The following DMXL2 variants were observed in gnomAD, a reference collection of about 807,000 sequenced individuals.
DMXL2 encodes Dmx like 2, also known as dmX-like protein 2.
In DMXL2, 103 loss-of-function variants were observed where a neutral mutation model predicts 331.1. That is an observed-to-expected ratio of 0.31 (90% CI 0.27 to 0.37). The LOEUF is 0.37. DMXL2 is among the 10% of genes least tolerant of loss of function. The pLI, the probability that DMXL2 is intolerant of heterozygous loss-of-function variation, is 1.00. For synonymous variants in DMXL2, 1,281 were observed against 1,252.1 expected, an observed-to-expected ratio of 1.02 and a Z score of -0.49; for missense variants, 3,171 against 3,642.9, an observed-to-expected ratio of 0.87 and a Z score of 3.33.
intron 1 of DMXL2, among the ~76,000 whole-genome samples, chr15:51,609,911 CAA>C (rs2053843004): frequency 6.9e-6 from 1 of 144,614 alleles, no homozygotes; most frequent in South Asian, 2.2e-4. Flanking sequence ...GCCTGGGCAA[CAA>C]GAGTGAAAGT....
intron 1 of DMXL2, among the ~76,000 whole-genome samples, chr15:51,586,394 T>A (rs916055898): frequency 6.6e-6 from 1 of 151,942 alleles, no homozygotes; most frequent in East Asian, 1.9e-4. Context: ...CAAAAATCTA[T>A]GGGAAGAAAA....
intron 13 of DMXL2, among the ~76,000 whole-genome samples, chr15:51,533,177 T>C (rs938142234): frequency 2.0e-5 from 3 of 152,124 alleles, no homozygotes; most frequent in Non-Finnish European, 2.9e-5. Context: ...GGGGACACTA[T>C]TGAAAGTTGT....
intron 28 of DMXL2, among the ~76,000 whole-genome samples, 160 bp downstream of exon 28, chr15:51,474,180 ATGTT>A (rs2041370084): frequency 6.6e-6 from 1 of 152,318 alleles, no homozygotes; most frequent in African/African-American, 2.4e-5. Context: ...AACAAACTAT[ATGTT>A]TATTATATCA....
intron 32 of DMXL2, among the ~76,000 whole-genome samples, chr15:51,463,882 TGTTCTTTC>T (rs1225426007): frequency 7.2e-5 from 11 of 152,148 alleles, no homozygotes; most frequent in African/African-American, 2.4e-4. Context: ...TAAAAAGCTT[TGTTCTTTC>T]AAGCTTATTT....
chr15:51,463,571 T>G, intron 32 of DMXL2, 75 bp from the exon 33 acceptor site: 1 of 888,056 alleles, frequency 1.1e-6, no homozygotes, highest in Non-Finnish European at 1.7e-6. Flanking sequence ...TATTTATTTT[T>G]AAAACCTTCA....
At chr15:51,594,648 T>C (rs10438319) in intron 1 of DMXL2, among the ~76,000 whole-genome samples, 72,672 of 151,658 alleles carry the variant, frequency 0.48, 17,763 homozygotes, top group Non-Finnish European at 0.52. Flanking sequence ...TGATGAACAT[T>C]GATGCAAAAA....
chr15:51,582,866 C>T (rs966918007), intron 1 of DMXL2, among the ~76,000 whole-genome samples: 1 of 151,722 alleles, frequency 6.6e-6, no homozygotes, highest in Non-Finnish European at 1.5e-5. Context: ...AATGAAGTCA[C>T]CTTCTCATCC....
intron 33 of DMXL2, among the ~76,000 whole-genome samples, chr15:51,462,596 C>G (rs1224863402): frequency 6.6e-6 from 1 of 152,154 alleles, no homozygotes; most frequent in African/African-American, 2.4e-5. Flanking sequence ...CTCGGCCTCC[C>G]AAAGTGCTGG....
At chr15:51,478,749 G>C (rs1004846383) in intron 25 of DMXL2, among the ~76,000 whole-genome samples, 1 of 151,754 alleles carries the variant, frequency 6.6e-6, no homozygotes, top group Non-Finnish European at 1.5e-5. Context: ...AATTCGCCTT[G>C]ATGAAAATAA....
At chr15:51,519,806 C>G (rs1050056615) in intron 13 of DMXL2, among the ~76,000 whole-genome samples, 2 of 151,908 alleles carry the variant, frequency 1.3e-5, no homozygotes, top group African/African-American at 4.8e-5. Context: ...CCACACCTGG[C>G]TAATTTTTGT....
chr15:51,449,268 T>C, intron 43 of DMXL2, 75 bp from the exon 44 acceptor site: 1 of 1,459,980 alleles, frequency 6.8e-7, no homozygotes, highest in Non-Finnish European at 9.4e-7. Flanking sequence ...TCTGCTCCCT[T>C]GGCCCAAGTG....
chr15:51,551,447 T>C lies in DMXL2; in HGVS notation c.568-4039A>G, dbSNP rs532281137. ...CAGGGAAGGGTAGGCATCCTGTAGT[T>C]TGTATCAAGCTACTATTCTTAATTC... On this transcript the variant is annotated intron_variant, in intron 6 of 43. Coordinates refer to ENST00000560891, the MANE Select transcript of DMXL2 (RefSeq NM_001378457.1). Among the ~76,000 whole-genome samples, 61 of 152,346 alleles carry C rather than the reference T, an allele frequency of 4.0e-4. 1 individual carries two copies. The South Asian group carries it at 8.3e-3, about 21-fold the overall frequency.
chr15:51,525,353 A>C (rs1333285827), intron 13 of DMXL2, among the ~76,000 whole-genome samples: 1 of 152,128 alleles, frequency 6.6e-6, no homozygotes, highest in Non-Finnish European at 1.5e-5. Context: ...CTCCTGCTAG[A>C]GAAAAGGAGG....
intron 1 of DMXL2, among the ~76,000 whole-genome samples, chr15:51,616,257 T>C (rs1417616968): frequency 6.6e-6 from 1 of 152,142 alleles, no homozygotes; most frequent in Non-Finnish European, 1.5e-5. Flanking sequence ...AACCATTACA[T>C]TTTTTAGGTG....
intron 13 of DMXL2, among the ~76,000 whole-genome samples, chr15:51,520,810 T>C (rs959262320): frequency 6.6e-6 from 1 of 152,206 alleles, no homozygotes; most frequent in South Asian, 2.1e-4. Flanking sequence ...TGAGCTGAGA[T>C]CGCGCCACTG....
At chr15:51,601,518 T>C (rs972137514) in intron 1 of DMXL2, among the ~76,000 whole-genome samples, 2 of 152,166 alleles carry the variant, frequency 1.3e-5, no homozygotes, top group African/African-American at 2.4e-5. Flanking sequence ...GCACCACTGA[T>C]TGAAAAGATC....
At chr15:51,522,060 A>C (rs2047410717) in intron 13 of DMXL2, among the ~76,000 whole-genome samples, 1 of 152,148 alleles carries the variant, frequency 6.6e-6, no homozygotes, top group Admixed American at 6.5e-5. Context: ...GAATGAATGG[A>C]TCTCACCAAT....
At chr15:51,492,497 G>GT (rs143343434) in intron 19 of DMXL2, among the ~76,000 whole-genome samples, 12,795 of 151,170 alleles carry the variant, frequency 0.085, 709 homozygotes, top group Non-Finnish European at 0.13. Context: ...GGGTTTGTTT[G>GT]TTTTTTTTTA....
chr15:51,536,489 A>T lies in DMXL2; in HGVS notation c.1991T>A (p.Leu664Gln). 6.2e-6 allele frequency: 10 copies of T among 1,614,052 alleles called. No homozygotes were observed. Among genetic ancestry groups the T allele is most frequent in the Non-Finnish European group, 8.5e-6 (10 of 1,179,962 alleles). ...NDLACHSVLP[L>Q]LLTSSHHNAL... is the part of the protein sequence containing the mutation. ...ATTATGATGAGAGGATGTCAATAAC[A>T]GTGGTAAAACTGAATGACATGCCAG... The change falls in exon 12 of 44, where the codon CTG (leucine) becomes CAG (glutamine). Residue 664 changes from leucine (L) to glutamine (Q), a missense_variant. This residue lies in a region of DMXL2 where 1,674 missense variants were observed against 1,780.2 expected (regional missense o/e 0.94). Transcript: ENST00000560891.
Sources: allele counts gnomAD v4.1 joint callset (sites outside exome capture counted in the v4.1 genomes callset), GRCh38; gene constraint gnomAD v4.1.1; regional missense constraint gnomAD v4.1.1; transcripts MANE v1.5; gene names NCBI Gene and HGNC (gene_info 2026-07-23, HGNC 2026-07-21).